Variants in DCC observed in about 807,000 individuals in gnomAD.
DCC encodes the protein DCC netrin 1 receptor, also known as netrin receptor DCC.
DCC carries 58 observed loss-of-function variants against 172.5 expected under a neutral mutation model. The observed-to-expected ratio is 0.34, with a 90% CI of 0.27 to 0.42. The LOEUF (loss-of-function observed/expected upper bound fraction) is 0.42, where lower values mean the gene tolerates loss of function less well. Among genes scored for constraint, DCC ranks in the 10% least tolerant of loss-of-function variants. DCC has a pLI of 1.00. For missense variants in DCC, 1,740 were observed against 1,791.0 expected, an observed-to-expected ratio of 0.97 and a Z score of 0.51; for synonymous variants, 709 against 644.5, an observed-to-expected ratio of 1.10 and a Z score of -1.52.
intron 15 of DCC, among the ~76,000 whole-genome samples, chr18:53,352,777 T>C (rs2057827661): frequency 6.6e-6 from 1 of 152,298 alleles, no homozygotes; most frequent in East Asian, 1.9e-4. Context: ...TCATGTTTTA[T>C]GTATTTCATC....
chr18:52,658,775 A>G (rs1463250601), intron 1 of DCC, among the ~76,000 whole-genome samples: 3 of 152,128 alleles, frequency 2.0e-5, no homozygotes, highest in Non-Finnish European at 4.4e-5. Context: ...AAAAATAGTC[A>G]CCTGGATCAT....
intron 3 of DCC, 127 bp downstream of exon 3, chr18:52,906,455 A>T (rs2039883462): frequency 2.0e-6 from 2 of 999,434 alleles, no homozygotes; most frequent in Non-Finnish European, 3.0e-6. Flanking sequence ...TTTGTTTATT[A>T]TTTCTTTCTT....
intron 1 of DCC, among the ~76,000 whole-genome samples, chr18:52,608,492 G>A (rs1568253112): frequency 6.6e-6 from 1 of 152,106 alleles, no homozygotes; most frequent in Non-Finnish European, 1.5e-5. Context: ...TTATCCACTT[G>A]GAAACGAGAG....
intron 12 of DCC, among the ~76,000 whole-genome samples, chr18:53,303,892 G>A (rs1460838442): frequency 1.3e-5 from 2 of 152,166 alleles, no homozygotes; most frequent in Non-Finnish European, 2.9e-5. Context: ...GATGGTAAAT[G>A]TGGGGGATTT....
chr18:52,672,601 GTCCTCCCT>G (rs977259892), intron 1 of DCC, among the ~76,000 whole-genome samples: 4 of 139,572 alleles, frequency 2.9e-5, no homozygotes, highest in Non-Finnish European at 6.2e-5. Flanking sequence ...TTCCTAATTC[GTCCTCCCT>G]TCCTCCCTTC....
intron 2 of DCC, among the ~76,000 whole-genome samples, chr18:52,836,868 C>T (rs1040681096): frequency 5.9e-5 from 9 of 152,222 alleles, no homozygotes; most frequent in African/African-American, 2.2e-4. Flanking sequence ...CTATACTGCC[C>T]TAGCAGAAGT....
intron 1 of DCC, among the ~76,000 whole-genome samples, chr18:52,426,364 G>A (rs1329031635): frequency 6.9e-6 from 1 of 145,818 alleles, no homozygotes; most frequent in Non-Finnish European, 1.5e-5. Context: ...TACCCCATTT[G>A]ACATCTTTGA....
chr18:53,062,596 CA>C (rs2042511476), intron 5 of DCC, among the ~76,000 whole-genome samples: 1 of 152,074 alleles, frequency 6.6e-6, no homozygotes, highest in Admixed American at 6.6e-5. Flanking sequence ...TGAGCCAAGT[CA>C]TTAGCAAAGA....
At chr18:53,340,699 G>A (rs932940228) in intron 15 of DCC, among the ~76,000 whole-genome samples, 1 of 152,140 alleles carries the variant, frequency 6.6e-6, no homozygotes, top group East Asian at 1.9e-4. Context: ...GAGAAATAAA[G>A]TAAATATAAT....
At chr18:53,079,302 G>A (rs985484974) in intron 7 of DCC, among the ~76,000 whole-genome samples, 1 of 151,842 alleles carries the variant, frequency 6.6e-6, no homozygotes, top group African/African-American at 2.4e-5. Context: ...TTATACTTGA[G>A]CCTTACTTCT....
chr18:53,459,346 T>C lies in DCC; in HGVS notation c.3507T>C (p.Ser1169=), dbSNP rs1307216327. The part of the protein sequence containing the change: ...EMEMKNIEKP[S]GTDPAGRDSP... ...AGATGAAAAATATTGAAAAGCCATC[T>C]GGCACTGACCCTGCAGGAAGGGACT... Residue 1169 remains serine (S), a synonymous_variant, in exon 24 of 29, where the codon TCT becomes TCC. Coordinates refer to ENST00000442544, the MANE Select transcript of DCC (RefSeq NM_005215.4). 3 of 1,613,924 alleles carry C rather than the reference T, an allele frequency of 1.9e-6. No individual in the cohort carries two copies. In the Admixed American group the frequency reaches 5.0e-5, roughly 27 times the overall value.
At chr18:52,859,799 T>A (rs2039111166) in intron 2 of DCC, among the ~76,000 whole-genome samples, 1 of 152,184 alleles carries the variant, frequency 6.6e-6, no homozygotes, top group Non-Finnish European at 1.5e-5. Flanking sequence ...TAAATTATTT[T>A]GGTTTATTTC....
chr18:53,085,154 A>G (rs1478322186), intron 7 of DCC, among the ~76,000 whole-genome samples: 1 of 152,194 alleles, frequency 6.6e-6, no homozygotes, highest in Admixed American at 6.5e-5. Context: ...AGGAAGCCAC[A>G]AGGAATTGCC....
intron 5 of DCC, among the ~76,000 whole-genome samples, chr18:52,950,827 T>A (rs1478507767): frequency 1.3e-5 from 2 of 149,680 alleles, no homozygotes; most frequent in Non-Finnish European, 3.0e-5. Context: ...CGGGAGGCTG[T>A]GGCAAGAGAA....
At chr18:53,401,008 T>C (rs1472955907) in intron 18 of DCC, among the ~76,000 whole-genome samples, 1 of 152,164 alleles carries the variant, frequency 6.6e-6, no homozygotes, top group African/African-American at 2.4e-5. Context: ...TGTATACTAA[T>C]CTAAGTTATT....
chr18:52,652,744 G>GTGTGTGTGTGTGTGTGT, intron 1 of DCC, among the ~76,000 whole-genome samples: 3 of 151,898 alleles, frequency 2.0e-5, no homozygotes, highest in African/African-American at 7.2e-5. Context: ...GTGTGTGGGT[G>GTGTGTGTGTGTGTGTGT]GAGGAGGAGT....
intron 12 of DCC, among the ~76,000 whole-genome samples, chr18:53,273,812 C>T (rs2056774990): frequency 6.6e-6 from 1 of 151,630 alleles, no homozygotes; most frequent in South Asian, 2.1e-4. Context: ...CTGCTCTTGT[C>T]CCAGTGAGTT....
chr18:53,080,640 T>G (rs1187926290), intron 7 of DCC, among the ~76,000 whole-genome samples: 1 of 152,126 alleles, frequency 6.6e-6, no homozygotes, highest in Non-Finnish European at 1.5e-5. Flanking sequence ...GACAGATGAA[T>G]GCAGAATATT....
chr18:53,074,394 T>G (rs2042697250), intron 7 of DCC, among the ~76,000 whole-genome samples: 1 of 152,178 alleles, frequency 6.6e-6, no homozygotes, highest in Non-Finnish European at 1.5e-5. Flanking sequence ...AAAGTGCAAC[T>G]TAATATTTTT....
Sources: gnomAD v4.1 joint callset for allele counts (sites outside exome capture counted in the v4.1 genomes callset) on GRCh38, gnomAD v4.1.1 for gene constraint, MANE v1.5 for transcripts, NCBI Gene and HGNC (gene_info 2026-07-23, HGNC 2026-07-21) for gene names.